RAD51B: variants seen among roughly 807,000 people sequenced by gnomAD.
The protein encoded by RAD51B is RAD51 paralog B.
In RAD51B, 38 loss-of-function variants were observed where a neutral mutation model predicts 42.2. The ratio of observed to expected loss-of-function variants is 0.90; its 90% CI spans 0.70 to 1.18. The LOEUF is 1.18. Among genes scored for constraint, RAD51B ranks in the 50% most tolerant of loss-of-function variants. The pLI is 0.00. For synonymous variants in RAD51B, 154 were observed against 145.2 expected, an observed-to-expected ratio of 1.06 and a Z score of -0.43; for missense variants, 373 against 400.7, an observed-to-expected ratio of 0.93 and a Z score of 0.59.
chr14:68,674,081 G>T (rs1276876162), intron 11 of RAD51B, among the ~76,000 whole-genome samples: 1 of 151,676 alleles, frequency 6.6e-6, no homozygotes, highest in Non-Finnish European at 1.5e-5. Context: ...CACACATACT[G>T]TACACAGGTA....
intron 6 of RAD51B, among the ~76,000 whole-genome samples, 166 bp downstream of exon 6, chr14:67,886,154 A>C (rs1197346005): frequency 6.6e-6 from 1 of 152,214 alleles, no homozygotes; most frequent in Non-Finnish European, 1.5e-5. Context: ...GTCTTTCTTG[A>C]AAAACAAAAA....
At chr14:68,144,813 G>T (rs2078216189) in intron 7 of RAD51B, among the ~76,000 whole-genome samples, 1 of 152,174 alleles carries the variant, frequency 6.6e-6, no homozygotes, top group South Asian at 2.1e-4. Context: ...ACTTCAAACA[G>T]ATGAATTTGT....
At chr14:68,589,442 A>G (rs373202139) in intron 10 of RAD51B, among the ~76,000 whole-genome samples, 3 of 152,196 alleles carry the variant, frequency 2.0e-5, no homozygotes, top group African/African-American at 7.2e-5. Context: ...CTTTAAATAA[A>G]TACACACTCA....
chr14:68,042,567 T>G (rs981944946), intron 7 of RAD51B, among the ~76,000 whole-genome samples: 4 of 151,930 alleles, frequency 2.6e-5, no homozygotes, highest in South Asian at 2.1e-4. Flanking sequence ...AATTGAAGGG[T>G]TTTTTTTCCT....
At chr14:68,493,507 T>C (rs1375097345) in intron 10 of RAD51B, among the ~76,000 whole-genome samples, 1 of 152,228 alleles carries the variant, frequency 6.6e-6, no homozygotes, top group Non-Finnish European at 1.5e-5. Flanking sequence ...CCATTTTACA[T>C]AGATAGAAAT....
chr14:68,388,076 G>GTATATA lies in RAD51B; in HGVS notation c.854-23347_854-23346insATATAT, dbSNP rs35161283. ...GCATTGTGTGTGTGTGTGTGTGTGT[G>GTATATA]TGTATATATATATATATATTTTTTT... On this transcript the variant is annotated intron_variant, in intron 8 of 10. Transcript: ENST00000471583. Among the ~76,000 whole-genome samples the GTATATA allele has an allele frequency of 4.3e-3, 415 of 96,572 alleles. 3 individuals carry two copies. The highest frequency in any genetic ancestry group is 0.016 in the East Asian group (56 of 3,422). The allele number at this position is 96,572 out of a possible 152,430, so 63.4% of individuals were successfully genotyped here.
chr14:68,552,307 G>A (rs755477557), intron 10 of RAD51B, among the ~76,000 whole-genome samples: 16 of 152,234 alleles, frequency 1.1e-4, no homozygotes, highest in African/African-American at 2.6e-4. Flanking sequence ...GGGTGGGTCC[G>A]TTCTTGGTTA....
chr14:68,570,441 C>A (rs904417002), intron 10 of RAD51B, among the ~76,000 whole-genome samples: 4 of 152,194 alleles, frequency 2.6e-5, no homozygotes, highest in Non-Finnish European at 5.9e-5. Flanking sequence ...AGATTGGAGG[C>A]ATCTGAAGGT....
intron 7 of RAD51B, among the ~76,000 whole-genome samples, chr14:68,170,089 G>C (rs1040338617): frequency 6.6e-6 from 1 of 152,138 alleles, no homozygotes; most frequent in African/African-American, 2.4e-5. Context: ...TTCTCCATTA[G>C]GGAATAAGAG....
At chr14:67,891,938 A>G (rs1468636319) in intron 7 of RAD51B, among the ~76,000 whole-genome samples, 3 of 152,194 alleles carry the variant, frequency 2.0e-5, no homozygotes, top group Non-Finnish European at 4.4e-5. Flanking sequence ...AGCCTGATGA[A>G]GTCACTCTGA....
chr14:68,288,843 A>C (rs901953189), intron 7 of RAD51B, among the ~76,000 whole-genome samples: 1 of 152,230 alleles, frequency 6.6e-6, no homozygotes, highest in Non-Finnish European at 1.5e-5. Flanking sequence ...ATTTAAAAGA[A>C]TCACAAAAAT....
At chr14:68,076,147 A>G (rs781748577) in intron 7 of RAD51B, among the ~76,000 whole-genome samples, 1 of 152,196 alleles carries the variant, frequency 6.6e-6, no homozygotes, top group Non-Finnish European at 1.5e-5. Context: ...ATCAAGCTTT[A>G]CTATTGCTTG....
intron 7 of RAD51B, among the ~76,000 whole-genome samples, chr14:68,241,209 T>G (rs925141597): frequency 2.6e-5 from 4 of 152,232 alleles, no homozygotes; most frequent in Non-Finnish European, 5.9e-5. Flanking sequence ...TTTTTTCTCT[T>G]CTTTCTTCCT....
At chr14:67,839,504 A>C (rs940836522) in intron 4 of RAD51B, among the ~76,000 whole-genome samples, 1 of 151,986 alleles carries the variant, frequency 6.6e-6, no homozygotes, top group African/African-American at 2.4e-5. Context: ...ATCTGGTTTT[A>C]CATGTGGTTT....
At chr14:68,535,949 T>C (rs1400821961) in intron 10 of RAD51B, among the ~76,000 whole-genome samples, 2 of 152,342 alleles carry the variant, frequency 1.3e-5, no homozygotes, top group East Asian at 1.9e-4. Context: ...GAAATGCTTC[T>C]GGCTAATGTA....
chr14:68,058,583 A>G (rs2076517599), intron 7 of RAD51B, among the ~76,000 whole-genome samples: 1 of 152,030 alleles, frequency 6.6e-6, no homozygotes, highest in African/African-American at 2.4e-5. Context: ...CACTTTTTTT[A>G]CTTATAAATC....
intron 7 of RAD51B, among the ~76,000 whole-genome samples, chr14:68,070,012 T>G (rs933374732): frequency 6.6e-6 from 1 of 152,212 alleles, no homozygotes; most frequent in Non-Finnish European, 1.5e-5. Context: ...ACTGTGGTTT[T>G]GATTTGCATT....
chr14:68,034,238 G>T (rs1002599019), intron 7 of RAD51B, among the ~76,000 whole-genome samples: 1 of 151,334 alleles, frequency 6.6e-6, no homozygotes, highest in African/African-American at 2.4e-5. Flanking sequence ...GATTAGACAC[G>T]TTTTAAGATC....
At chr14:67,899,341 A>C (rs556184197) in intron 7 of RAD51B, among the ~76,000 whole-genome samples, 1 of 151,724 alleles carries the variant, frequency 6.6e-6, no homozygotes, top group Non-Finnish European at 1.5e-5. Context: ...GAGCCACCAC[A>C]CCCGGCCTAG....
Sources: gnomAD v4.1 joint callset for allele counts (sites outside exome capture counted in the v4.1 genomes callset) on GRCh38, gnomAD v4.1.1 for gene constraint, MANE v1.5 for transcripts, NCBI Gene and HGNC (gene_info 2026-07-23, HGNC 2026-07-21) for gene names.